Variants in DISP3 observed in about 807,000 individuals in gnomAD.
The protein encoded by DISP3 is dispatched RND transporter family member 3.
Under a neutral mutation model 135.3 loss-of-function variants are expected in DISP3, and 101 were observed. The ratio of observed to expected loss-of-function variants is 0.75; its 90% CI spans 0.64 to 0.88. The LOEUF (loss-of-function observed/expected upper bound fraction) is 0.88. Among genes scored for constraint, DISP3 ranks in the 40% least tolerant of loss-of-function variants. The pLI is 0.00. For synonymous variants in DISP3, 856 were observed against 817.0 expected, an observed-to-expected ratio of 1.05 and a Z score of -0.81; for missense variants, 1,713 against 1,878.6, an observed-to-expected ratio of 0.91 and a Z score of 1.63.
At chr1:11,528,601 G>T (rs914376551) in intron 13 of DISP3, among the ~76,000 whole-genome samples, 10 of 152,208 alleles carry the variant, frequency 6.6e-5, no homozygotes, top group African/African-American at 2.2e-4. Flanking sequence ...GAAAGAAATA[G>T]CCCCACTGTC....
Position 11,529,444 on chromosome 1 carries a change from G to C in DISP3, c.2799-112G>C, listed in dbSNP as rs2100508884. ...ATCCCCATGCCGGGGCAGAGCCCGA[G>C]TCCAGACCCCATGACACCCCAGCCC... On this transcript the variant is annotated intron_variant, in intron 13 of 20. Coordinates refer to ENST00000294484, the MANE Select transcript of DISP3 (RefSeq NM_020780.2). This position sits in a 1 kb window ranked among gnomAD's most constrained non-coding sequence, Gnocchi z 4.7. 1 of 1,306,872 alleles carries C rather than the reference G, an allele frequency of 7.7e-7. No homozygotes were observed. The highest frequency in any genetic ancestry group is 2.4e-5 in the East Asian group (1 of 42,068). The allele number at this position is 1,306,872 out of a possible 1,614,324, so 81.0% of individuals were successfully genotyped here.
At chr1:11,534,944 C>T in intron 18 of DISP3, 67 bp from the exon 19 acceptor site, 1 of 1,395,254 alleles carries the variant, frequency 7.2e-7, no homozygotes, top group South Asian at 1.2e-5. Flanking sequence ...CAAGGGCTCA[C>T]CCCAGCAGCA....
At chr1:11,498,100 G>C (rs1262849595) in intron 1 of DISP3, among the ~76,000 whole-genome samples, 1 of 152,202 alleles carries the variant, frequency 6.6e-6, no homozygotes, top group Admixed American at 6.5e-5. Flanking sequence ...CTGTCTGCAG[G>C]GTATGGAGCC....
chr1:11,501,848 G>T lies in DISP3; in HGVS notation c.856G>T (p.Glu286Ter). 6.2e-7 allele frequency: 1 copy of T among 1,612,452 alleles called. No individual in the cohort carries two copies. Among genetic ancestry groups the T allele is most frequent in the Non-Finnish European group, 8.5e-7 (1 of 1,179,324 alleles). Residue 286 changes from glutamate (E) to a stop codon, truncating the protein, a stop_gained, in exon 2 of 21, where the codon GAG (glutamate) becomes TAG (stop). Coordinates refer to ENST00000294484, the MANE Select transcript of DISP3 (RefSeq NM_020780.2). LOFTEE classifies it high-confidence loss of function. The surrounding 1 kb of genome is among the most constrained non-coding windows in gnomAD (Gnocchi z 4.9). ...ELIFLARGDA[E>*]RNIFTSERLV... Reference sequence around the variant, plus strand: ...CATCTTCCTGGCGCGCGGCGACGCGGAGCGCAACATTTTCACCAGTGAGCG... The same window carrying T: ...CATCTTCCTGGCGCGCGGCGACGCGTAGCGCAACATTTTCACCAGTGAGCG...
At chr1:11,521,959 C>G (rs556367202) in intron 10 of DISP3, among the ~76,000 whole-genome samples, 4 of 152,244 alleles carry the variant, frequency 2.6e-5, no homozygotes, top group African/African-American at 7.2e-5. Flanking sequence ...GGGGTGGAAG[C>G]TAGCTGGGAG....
chr1:11,501,888 A>G lies in DISP3; in HGVS notation c.896A>G (p.His299Arg), dbSNP rs758470605. The part of the protein sequence containing the change: ...IFTSERLVTI[H>R]EIERKIMDHP... ...ACCAGTGAGCGCCTGGTCACGATCC[A>G]TGAGATCGAGCGCAAGATCATGGAC... Residue 299 changes from histidine (H) to arginine (R), a missense_variant, in exon 2 of 21, where the codon CAT (histidine) becomes CGT (arginine). This residue lies in a region of DISP3 where 571 missense variants were observed against 494.1 expected (regional missense o/e 1.16). Transcript: ENST00000294484. This position sits in a 1 kb window ranked among gnomAD's most constrained non-coding sequence, Gnocchi z 4.9. 3.1e-6 allele frequency: 5 copies of G among 1,613,274 alleles called. No individual in the cohort carries two copies. Among genetic ancestry groups the G allele is most frequent in the Non-Finnish European group, 4.2e-6 (5 of 1,179,808 alleles).
Position 11,535,105 on chromosome 1 carries a change from C to A in DISP3, c.3630C>A (p.Pro1210=). ...VFTTHILLLL[P]VLLSILGIVC... Reference sequence around the variant, plus strand: ...CCACCCACATCCTGCTCCTGCTGCCCGTGCTCCTCAGCATCTTGGGTACGT... The same window carrying A: ...CCACCCACATCCTGCTCCTGCTGCCAGTGCTCCTCAGCATCTTGGGTACGT... Residue 1210 remains proline, a synonymous_variant, in exon 19 of 21, where the codon CCC becomes CCA. Coordinates refer to ENST00000294484, the MANE Select transcript of DISP3 (RefSeq NM_020780.2). 6.2e-7 allele frequency: 1 copy of A among 1,607,610 alleles called. No homozygotes were observed. The highest frequency in any genetic ancestry group is 1.1e-5 in the South Asian group (1 of 89,622).
Position 11,536,317 on chromosome 1 carries a change from C to T in DISP3, c.3817-7C>T. On this transcript the variant is annotated splice_polypyrimidine_tract_variant and splice_region_variant and intron_variant, in intron 20 of 20. Coordinates refer to ENST00000294484, the MANE Select transcript of DISP3 (RefSeq NM_020780.2). The surrounding 1 kb of genome is among the most constrained non-coding windows in gnomAD (Gnocchi z 4.3). ...GGCTGGGCTCCCAGCTCTCCTCTTG[C>T]CCCCAGGACGCCCGAACGCAGCGCC... is the stretch of plus-strand genomic sequence containing the variant. The T allele has an allele frequency of 6.3e-7, 1 of 1,593,016 alleles. No individual in the cohort carries two copies. The highest frequency in any genetic ancestry group is 8.5e-7 in the Non-Finnish European group (1 of 1,175,798).
chr1:11,482,422 CTT>C (rs1484216861), intron 1 of DISP3, among the ~76,000 whole-genome samples: 1 of 152,184 alleles, frequency 6.6e-6, no homozygotes, highest in Admixed American at 6.5e-5. Context: ...TAAGCAGCCT[CTT>C]TTCATAGCCC....
At chr1:11,528,429 G>A (rs1426784999) in intron 13 of DISP3, among the ~76,000 whole-genome samples, 2 of 152,182 alleles carry the variant, frequency 1.3e-5, no homozygotes, top group Admixed American at 6.5e-5. Context: ...TCTCTCTGCC[G>A]TTCACTGATT....
intron 10 of DISP3, among the ~76,000 whole-genome samples, chr1:11,523,090 C>T (rs918418048): frequency 6.6e-6 from 1 of 152,210 alleles, no homozygotes; most frequent in African/African-American, 2.4e-5. Flanking sequence ...AAAGGGCAGG[C>T]GAGGCCAGAA....
chr1:11,514,619 G>A, intron 4 of DISP3, 93 bp downstream of exon 4: 1 of 1,461,338 alleles, frequency 6.8e-7, no homozygotes. Context: ...CAATACTCTT[G>A]AGCCCAGCAT....
chr1:11,487,931 G>T (rs1641082894), intron 1 of DISP3, among the ~76,000 whole-genome samples: 2 of 152,120 alleles, frequency 1.3e-5, no homozygotes, highest in African/African-American at 4.8e-5. Context: ...TCTCTCCTGT[G>T]TCACACTCCT....
At chr1:11,509,340 C>T (rs1641791271) in intron 3 of DISP3, among the ~76,000 whole-genome samples, 1 of 151,218 alleles carries the variant, frequency 6.6e-6, no homozygotes, top group African/African-American at 2.4e-5. Context: ...GCTGAATGTT[C>T]CCTGTATACT....
chr1:11,536,576 C>T lies in DISP3; in HGVS notation c.4069C>T (p.Leu1357Phe), dbSNP rs370473756. 132 of 1,612,142 alleles carry T rather than the reference C, an allele frequency of 8.2e-5. No homozygotes were observed. The highest frequency in any genetic ancestry group is 1.6e-4 in the Middle Eastern group (1 of 6,084). Residue 1357 changes from leucine (L) to phenylalanine (F), a missense_variant, in exon 21 of 21, where the codon CTC becomes TTC. Coordinates refer to ENST00000294484, the MANE Select transcript of DISP3 (RefSeq NM_020780.2). The surrounding 1 kb of genome is among the most constrained non-coding windows in gnomAD (Gnocchi z 4.3). ...TTTCACTCGGACCCGGACTTCCTTC[C>T]TCAAGGCCCTGGGTGCCGTGCTGCT... ...SSFTRTRTSF[L>F]KALGAVLLAG... is the part of the protein sequence containing the mutation.
intron 3 of DISP3, among the ~76,000 whole-genome samples, chr1:11,509,874 G>A (rs1306181788): frequency 2.6e-5 from 4 of 152,150 alleles, no homozygotes; most frequent in African/African-American, 9.7e-5. Flanking sequence ...GCCGAGGCAG[G>A]TGGATCCCAA....
At chr1:11,498,444 C>T (rs551383820) in intron 1 of DISP3, among the ~76,000 whole-genome samples, 1 of 152,296 alleles carries the variant, frequency 6.6e-6, no homozygotes, top group Non-Finnish European at 1.5e-5. Flanking sequence ...TGGACATTCT[C>T]GTAACACAGT....
Position 11,514,422 on chromosome 1 carries a change from T to C in DISP3, c.1349T>C (p.Leu450Pro). 6.2e-7 allele frequency: 1 copy of C among 1,613,500 alleles called. No homozygotes were observed. Residue 450 changes from leucine (L) to proline (P), a missense_variant, in exon 4 of 21, where the codon CTG becomes CCG. Coordinates refer to ENST00000294484, the MANE Select transcript of DISP3 (RefSeq NM_020780.2). ...CAGGTTCTCTATGGGGGGACAGACCTGTTTGACTATGAAGTGCGCAGGACG... is the reference window on the plus strand; with the variant it reads ...CAGGTTCTCTATGGGGGGACAGACCCGTTTGACTATGAAGTGCGCAGGACG... ...KVQVLYGGTD[L>P]FDYEVRRTFN...
At chr1:11,535,769 C>A in intron 20 of DISP3, 125 bp downstream of exon 20, 5 of 1,280,340 alleles carry the variant, frequency 3.9e-6, no homozygotes, top group South Asian at 1.5e-5. Context: ...AGGCTGTGTT[C>A]TAGAAACTAA....
Sources: allele counts gnomAD v4.1 joint callset (sites outside exome capture counted in the v4.1 genomes callset), GRCh38; gene constraint gnomAD v4.1.1; regional missense constraint gnomAD v4.1.1; non-coding constraint Gnocchi (gnomAD v3.1); transcripts MANE v1.5; gene names NCBI Gene and HGNC (gene_info 2026-07-23, HGNC 2026-07-21).